Variants in PCBP3 observed in about 807,000 individuals in gnomAD.
The protein encoded by PCBP3 is poly(rC) binding protein 3, also known as poly(rC)-binding protein 3.
Under a neutral mutation model 52.7 loss-of-function variants are expected in PCBP3, and 25 were observed. The ratio of observed to expected loss-of-function variants is 0.47; its 90% CI spans 0.35 to 0.66. PCBP3 has a LOEUF of 0.66. Ranked by LOEUF, PCBP3 falls within the 30% of genes least tolerant of loss-of-function variation. The pLI is 0.01. For synonymous variants in PCBP3, 162 were observed against 183.0 expected (o/e 0.89, Z 0.93); for missense variants, 391 against 490.3 (o/e 0.80, Z 1.91).
At chr21:45,816,325 T>G (rs1278226309) in intron 4 of PCBP3, among the ~76,000 whole-genome samples, 1 of 152,120 alleles carries the variant, frequency 6.6e-6, no homozygotes, top group East Asian at 1.9e-4. Context: ...TTTTAACTTT[T>G]GACTCTTTTG....
At chr21:45,662,167 T>A (rs1200243496) in intron 1 of PCBP3, among the ~76,000 whole-genome samples, 1 of 152,054 alleles carries the variant, frequency 6.6e-6, no homozygotes, top group Admixed American at 6.5e-5. Context: ...TTTTTGTTAT[T>A]GTTGATCTCG....
chr21:45,689,044 G>A (rs2082315193), intron 2 of PCBP3, among the ~76,000 whole-genome samples: 1 of 151,210 alleles, frequency 6.6e-6, no homozygotes, highest in Non-Finnish European at 1.5e-5. Context: ...TTTTTTTTCA[G>A]AAAATGGATG....
At chr21:45,671,127 T>G (rs967224644) in intron 2 of PCBP3, among the ~76,000 whole-genome samples, 1 of 152,174 alleles carries the variant, frequency 6.6e-6, no homozygotes, top group Non-Finnish European at 1.5e-5. Context: ...ATCTGCAGTG[T>G]GTTGTTTGTG....
At chr21:45,814,292 CTAGTGAG>C (rs1159939269) in intron 4 of PCBP3, among the ~76,000 whole-genome samples, 1 of 142,206 alleles carries the variant, frequency 7.0e-6, no homozygotes, top group Non-Finnish European at 1.5e-5. Flanking sequence ...GGTGAGTGAG[CTAGTGAG>C]TGGTGAGTGG....
chr21:45,829,266 G>C lies in PCBP3; in HGVS notation c.-125-20695G>C, dbSNP rs1197576186. Reference sequence around the variant, plus strand: ...TGAGATTCAAAGCTCTTTGGAGAGAGGACACTTTGCTGGGGAGAAGGTGCG... The same window carrying C: ...TGAGATTCAAAGCTCTTTGGAGAGACGACACTTTGCTGGGGAGAAGGTGCG... On this transcript the variant is annotated intron_variant, in intron 4 of 17. Coordinates refer to ENST00000681687, the MANE Select transcript of PCBP3 (RefSeq NM_001384156.1). This position sits in a 1 kb window ranked among gnomAD's most constrained non-coding sequence, Gnocchi z 5.2. 1 of 152,324 alleles carries C rather than the reference G, an allele frequency of 6.6e-6. No individual in the cohort carries two copies. Among genetic ancestry groups the C allele is most frequent in the African/African-American group, 2.4e-5 (1 of 41,458 alleles). The allele number at this position is 152,324 out of a possible 1,614,324, so 9.4% of individuals were successfully genotyped here. A position where few individuals can be genotyped will look rare whatever the true frequency, so the allele number is the denominator to read the frequency against.
chr21:45,849,533 C>T (rs2093913240), intron 4 of PCBP3, among the ~76,000 whole-genome samples: 1 of 152,042 alleles, frequency 6.6e-6, no homozygotes. Flanking sequence ...TTCCAAGTCT[C>T]TCCTCTAAGA....
At chr21:45,744,791 A>G (rs1286457500) in intron 3 of PCBP3, among the ~76,000 whole-genome samples, 2 of 152,280 alleles carry the variant, frequency 1.3e-5, no homozygotes, top group East Asian at 1.9e-4. Flanking sequence ...ACTCTGTTCT[A>G]CTGGCTTTAT....
rs2091590834 is a variant in PCBP3, at chr21:45,791,701, C to T, written c.-126+36249C>T. ...AAAAAATTTTAAAATACAACTACCT[C>T]TTCAGCTTAGAGAATAGTACTACTT... is the stretch of plus-strand genomic sequence containing the variant. On this transcript the variant is annotated intron_variant, in intron 4 of 17. Coordinates refer to ENST00000681687, the MANE Select transcript of PCBP3 (RefSeq NM_001384156.1). The surrounding 1 kb of genome is among the most constrained non-coding windows in gnomAD (Gnocchi z 4.2). 1.3e-5 allele frequency among the ~76,000 whole-genome samples: 2 copies of T among 152,236 alleles called. No individual in the cohort carries two copies. Among genetic ancestry groups the T allele is most frequent in the Non-Finnish European group, 2.9e-5 (2 of 68,040 alleles).
intron 4 of PCBP3, among the ~76,000 whole-genome samples, chr21:45,777,249 C>T (rs1213105160): frequency 3.9e-5 from 6 of 152,076 alleles, no homozygotes; most frequent in Non-Finnish European, 7.4e-5. Context: ...ATCCCATTCT[C>T]TTCTGGCCTG....
At chr21:45,709,771 CG>C (rs1247311374) in intron 2 of PCBP3, among the ~76,000 whole-genome samples, 1 of 152,098 alleles carries the variant, frequency 6.6e-6, no homozygotes, top group Non-Finnish European at 1.5e-5. Context: ...TCAGTTTTCC[CG>C]TAATGTCCTT....
rs888321465 is a variant in PCBP3, at chr21:45,829,562, T to C, written c.-125-20399T>C. On this transcript the variant is annotated intron_variant, in intron 4 of 17. Transcript: ENST00000681687. The surrounding 1 kb of genome is among the most constrained non-coding windows in gnomAD (Gnocchi z 5.2). ...CCTAGCGGTACCAGGACGGTTCTTT[T>C]AGACACTCGTAAGAAGCCAAGCCAC... 9 of 152,390 alleles carry C rather than the reference T, an allele frequency of 5.9e-5. No homozygotes were observed. The highest frequency in any genetic ancestry group is 3.9e-4 in the East Asian group (2 of 5,182). The allele number at this position is 152,390 out of a possible 1,614,324, so 9.4% of individuals were successfully genotyped here. A position where few individuals can be genotyped will look rare whatever the true frequency, so the allele number is the denominator to read the frequency against.
chr21:45,766,245 C>T (rs1407716811), intron 4 of PCBP3, among the ~76,000 whole-genome samples: 4 of 152,234 alleles, frequency 2.6e-5, no homozygotes, highest in Non-Finnish European at 2.9e-5. Flanking sequence ...ATGACTTTCT[C>T]CTCCTCAGAT....
chr21:45,713,631 T>C (rs376293939), intron 2 of PCBP3, among the ~76,000 whole-genome samples: 29 of 152,318 alleles, frequency 1.9e-4, no homozygotes, highest in East Asian at 1.2e-3. Context: ...AAGATGTGCC[T>C]GCACCTGCTG....
rs1304505624 is a variant in PCBP3 at position 45,853,718 on chromosome 21, G to A, written c.10+3623G>A. Among the ~76,000 whole-genome samples the A allele has an allele frequency of 6.6e-6, 1 of 152,202 alleles. No individual in the cohort carries two copies. Among genetic ancestry groups the A allele is most frequent in the Non-Finnish European group, 1.5e-5 (1 of 68,040 alleles). On this transcript the variant is annotated intron_variant, in intron 5 of 17. Transcript: ENST00000681687. This position sits in a 1 kb window ranked among gnomAD's most constrained non-coding sequence, Gnocchi z 4.6. The stretch of plus-strand genomic sequence containing the variant: ...GTTAAAAAGCTAAGAAACATGAGTG[G>A]TGTTAAACCATTCTGCCTGTGTGAG...
At chr21:45,789,715 T>C (rs1409895438) in intron 4 of PCBP3, among the ~76,000 whole-genome samples, 1 of 152,012 alleles carries the variant, frequency 6.6e-6, no homozygotes, top group Non-Finnish European at 1.5e-5. Flanking sequence ...CCTAAGAGCT[T>C]TTGCTGTGAG....
chr21:45,812,641 T>C (rs910431007), intron 4 of PCBP3, among the ~76,000 whole-genome samples: 1 of 152,206 alleles, frequency 6.6e-6, no homozygotes, highest in Non-Finnish European at 1.5e-5. Flanking sequence ...ATCCGCCCGC[T>C]TCGGCCTCCC....
intron 13 of PCBP3, among the ~76,000 whole-genome samples, chr21:45,921,691 C>T (rs1324935159): frequency 2.6e-5 from 4 of 152,090 alleles, no homozygotes; most frequent in African/African-American, 9.7e-5. Flanking sequence ...TGGTGGCACA[C>T]GCCTGTAGTC....
chr21:45,878,517 C>A (rs777301678), intron 5 of PCBP3, among the ~76,000 whole-genome samples: 1 of 152,236 alleles, frequency 6.6e-6, no homozygotes, highest in Non-Finnish European at 1.5e-5. Flanking sequence ...ACAGACAGTA[C>A]AGCAAAGGCT....
At chr21:45,891,861 T>C (rs1217865038) in intron 5 of PCBP3, among the ~76,000 whole-genome samples, 3 of 152,212 alleles carry the variant, frequency 2.0e-5, no homozygotes, top group Non-Finnish European at 2.9e-5. Flanking sequence ...CCGGGGCCTC[T>C]GCGCCCCTTT....
Sources: allele counts gnomAD v4.1 joint callset (sites outside exome capture counted in the v4.1 genomes callset), GRCh38; gene constraint gnomAD v4.1.1; non-coding constraint Gnocchi (gnomAD v3.1); transcripts MANE v1.5; gene names NCBI Gene and HGNC (gene_info 2026-07-23, HGNC 2026-07-21).